Variants in SHROOM3 observed in about 807,000 individuals in gnomAD.
The protein encoded by SHROOM3 is protein Shroom3.
Under a neutral mutation model 138.6 loss-of-function variants are expected in SHROOM3, and 47 were observed. The observed-to-expected ratio is 0.34, with a 90% confidence interval of 0.27 to 0.43. The LOEUF (loss-of-function observed/expected upper bound fraction) is 0.43. Among genes scored for constraint, SHROOM3 ranks in the 20% least tolerant of loss-of-function variants. The pLI, the probability that SHROOM3 is intolerant of heterozygous loss-of-function variation, is 1.00. For synonymous variants in SHROOM3, 1,062 were observed against 1,063.3 expected (o/e 1.00, Z 0.02); for missense variants, 2,491 against 2,596.5 (o/e 0.96, Z 0.88).
At chr4:76,710,111 A>G (rs779306997) in intron 2 of SHROOM3, 45 bp from the exon 3 acceptor site, 2 of 1,612,912 alleles carry the variant, frequency 1.2e-6, no homozygotes, top group African/African-American at 1.3e-5. Flanking sequence ...GCTCCTGTCC[A>G]TGAACACCAT....
chr4:76,584,594 C>T (rs1014039403), intron 2 of SHROOM3, among the ~76,000 whole-genome samples: 2 of 152,196 alleles, frequency 1.3e-5, no homozygotes, highest in African/African-American at 4.8e-5. Context: ...CCCATACTAG[C>T]CGGCTGATTG....
At chr4:76,610,101 C>T (rs1459921512) in intron 2 of SHROOM3, among the ~76,000 whole-genome samples, 1 of 152,228 alleles carries the variant, frequency 6.6e-6, no homozygotes, top group Non-Finnish European at 1.5e-5. Flanking sequence ...CTCAAAGCTA[C>T]GCTTGACCAT....
At chr4:76,676,944 C>CAAAAAAAAAAAAAAAAAAAAAAA (rs58270392) in intron 2 of SHROOM3, among the ~76,000 whole-genome samples, 1 of 79,044 alleles carries the variant, frequency 1.3e-5, no homozygotes, top group African/African-American at 5.7e-5. Context: ...CTCCGTCTCA[C>CAAAAAAAAAAAAAAAAAAAAAAA]AAAAAAAAAA....
In SHROOM3 at chr4:76,451,841, T is replaced by A. The variant is rs115732124; in HGVS notation, c.168+15621T>A. On this transcript the variant is annotated intron_variant, in intron 1 of 10. Coordinates refer to ENST00000296043, the MANE Select transcript of SHROOM3 (RefSeq NM_020859.4). ...AGGATGAAAGAAGAATTTTTAAAGG[T>A]TTTTTTAGAAACAGAGTCTCACTAT... is the stretch of plus-strand genomic sequence containing the variant. Among the ~76,000 whole-genome samples the A allele has an allele frequency of 6.1e-3, 927 of 152,264 alleles. 8 individuals carry two copies. The highest frequency in any genetic ancestry group is 0.041 in the East Asian group (213 of 5,182).
At chr4:76,575,116 G>A (rs1733913160) in intron 2 of SHROOM3, among the ~76,000 whole-genome samples, 1 of 152,174 alleles carries the variant, frequency 6.6e-6, no homozygotes, top group Non-Finnish European at 1.5e-5. Context: ...CATTTCAAGT[G>A]AAGCTGAAAA....
chr4:76,513,626 T>G (rs1732385050), intron 1 of SHROOM3, among the ~76,000 whole-genome samples: 1 of 152,214 alleles, frequency 6.6e-6, no homozygotes, highest in Non-Finnish European at 1.5e-5. Flanking sequence ...AAAATAATAC[T>G]TCTATCTCAC....
intron 2 of SHROOM3, among the ~76,000 whole-genome samples, chr4:76,648,137 G>A (rs1404320199): frequency 6.6e-6 from 1 of 151,958 alleles, no homozygotes; most frequent in Admixed American, 6.6e-5. Flanking sequence ...AGACCACCCT[G>A]AGCAACATAG....
At chr4:76,567,439 A>C (rs1485980946) in intron 2 of SHROOM3, among the ~76,000 whole-genome samples, 1 of 152,166 alleles carries the variant, frequency 6.6e-6, no homozygotes, top group Non-Finnish European at 1.5e-5. Flanking sequence ...TCATGAGGTC[A>C]GGAGATCAAG....
At chr4:76,652,509 A>G (rs1170870267) in intron 2 of SHROOM3, among the ~76,000 whole-genome samples, 2 of 152,222 alleles carry the variant, frequency 1.3e-5, no homozygotes, top group East Asian at 3.9e-4. Context: ...AACATGTATT[A>G]TAGGTTACAC....
chr4:76,585,970 A>C (rs923287250), intron 2 of SHROOM3, among the ~76,000 whole-genome samples: 1 of 152,224 alleles, frequency 6.6e-6, no homozygotes, highest in Non-Finnish European at 1.5e-5. Context: ...TCTTCACAGC[A>C]CGTCGTGTTT....
intron 1 of SHROOM3, among the ~76,000 whole-genome samples, chr4:76,511,439 C>T (rs1041218933): frequency 1.3e-5 from 2 of 152,140 alleles, no homozygotes; most frequent in South Asian, 4.1e-4. Context: ...TCGCTATAAT[C>T]GGAATTCCCC....
intron 2 of SHROOM3, among the ~76,000 whole-genome samples, chr4:76,667,229 A>G (rs1718721064): frequency 6.6e-6 from 1 of 152,214 alleles, no homozygotes; most frequent in Admixed American, 6.5e-5. Flanking sequence ...ATGGTTGCAC[A>G]ACAGCATGAA....
intron 2 of SHROOM3, among the ~76,000 whole-genome samples, chr4:76,567,262 C>T (rs564590399): frequency 6.6e-5 from 10 of 152,222 alleles, no homozygotes; most frequent in East Asian, 1.9e-4. Flanking sequence ...GTGCCAGGCG[C>T]GGTTGCTCAT....
intron 1 of SHROOM3, among the ~76,000 whole-genome samples, chr4:76,463,750 TAAATGGG>T (rs1731190105): frequency 2.0e-5 from 3 of 152,200 alleles, no homozygotes; most frequent in African/African-American, 7.2e-5. Flanking sequence ...CAGCCAAGGC[TAAATGGG>T]GTCAGGGTAC....
intron 1 of SHROOM3, among the ~76,000 whole-genome samples, chr4:76,510,054 G>A (rs1438939453): frequency 1.3e-5 from 2 of 151,966 alleles, no homozygotes; most frequent in Non-Finnish European, 2.9e-5. Flanking sequence ...GAAATGGTGC[G>A]GGCACTCTGA....
chr4:76,457,534 C>T (rs1731052817), intron 1 of SHROOM3, among the ~76,000 whole-genome samples: 1 of 151,526 alleles, frequency 6.6e-6, no homozygotes, highest in Non-Finnish European at 1.5e-5. Context: ...GCTCTGTCTC[C>T]AGGCTGGAGA....
At chr4:76,744,274 G>A (rs575184700) in intron 5 of SHROOM3, among the ~76,000 whole-genome samples, 4 of 152,220 alleles carry the variant, frequency 2.6e-5, no homozygotes, top group Admixed American at 6.5e-5. Context: ...TTTAATTTGG[G>A]GAATATGCAG....
At position 76,523,331 on chromosome 4, in the gene SHROOM3, C is replaced by G. The variant is rs549937374; in HGVS notation, c.169-32278C>G. On this transcript the variant is annotated intron_variant, in intron 1 of 10. Transcript: ENST00000296043. ...TAACTTGATTGTATCTGCAAAGACC[C>G]AATTTCCAAGTAAGGCTGTATTCCC... Among the ~76,000 whole-genome samples, 6 of 152,240 alleles carry G rather than the reference C, an allele frequency of 3.9e-5. No homozygotes were observed. The East Asian group carries it at 1.2e-3, about 29-fold the overall frequency.
chr4:76,719,749 G>A (rs534420932), intron 3 of SHROOM3, among the ~76,000 whole-genome samples: 17 of 152,298 alleles, frequency 1.1e-4, no homozygotes, highest in Non-Finnish European at 1.8e-4. Flanking sequence ...GTGTTTTCAT[G>A]CAGTAATCAA....
Sources: allele counts gnomAD v4.1 joint callset (sites outside exome capture counted in the v4.1 genomes callset), GRCh38; gene constraint gnomAD v4.1.1; transcripts MANE v1.5; gene names NCBI Gene and HGNC (gene_info 2026-07-23, HGNC 2026-07-21).